The following SPECC1 variants were observed in gnomAD, a reference collection of about 807,000 sequenced individuals.
SPECC1 encodes the protein cytospin-B.
Under a neutral mutation model 104.1 loss-of-function variants are expected in SPECC1, and 62 were observed. The observed-to-expected ratio is 0.60, with a 90% confidence interval of 0.49 to 0.74. The LOEUF is 0.74. SPECC1 is among the 30% of genes least tolerant of loss of function. The probability of loss-of-function intolerance (pLI) is 0.00; values close to 1 mark genes in which losing one functional copy is unlikely to be tolerated. For missense variants in SPECC1, 1,306 were observed against 1,310.5 expected, an observed-to-expected ratio of 1.00 and a Z score of 0.05; for synonymous variants, 513 against 501.6, an observed-to-expected ratio of 1.02 and a Z score of -0.30.
At chr17:20,040,641 A>T (rs891326583) in intron 1 of SPECC1, among the ~76,000 whole-genome samples, 2 of 152,154 alleles carry the variant, frequency 1.3e-5, no homozygotes, top group African/African-American at 4.8e-5. Context: ...CTTGAAAACC[A>T]TTGTGTCATT....
chr17:20,017,064 G>T (rs1487875486), intron 1 of SPECC1: 3 of 152,200 alleles, frequency 2.0e-5, no homozygotes, highest in Non-Finnish European at 4.4e-5. Flanking sequence ...GGAGCAGTCG[G>T]CTCTCTGTAA....
At chr17:20,174,559 G>A (rs901070090) in intron 3 of SPECC1, among the ~76,000 whole-genome samples, 1 of 152,064 alleles carries the variant, frequency 6.6e-6, no homozygotes, top group African/African-American at 2.4e-5. Context: ...GAGCTGGAAT[G>A]GGCCTTCACC....
chr17:20,312,255 G>GT (rs1446279260), intron 14 of SPECC1, among the ~76,000 whole-genome samples: 2 of 152,072 alleles, frequency 1.3e-5, no homozygotes, highest in Non-Finnish European at 1.5e-5. Flanking sequence ...CTTTTGGAGG[G>GT]TCTTAACTAC....
chr17:20,105,505 C>G (rs563282235), intron 2 of SPECC1, among the ~76,000 whole-genome samples: 2 of 152,136 alleles, frequency 1.3e-5, no homozygotes, highest in Non-Finnish European at 2.9e-5. Flanking sequence ...ATCCCAGATC[C>G]CAAGTCTTCT....
intron 3 of SPECC1, among the ~76,000 whole-genome samples, chr17:20,125,301 A>T (rs2049243129): frequency 6.6e-6 from 1 of 152,206 alleles, no homozygotes; most frequent in Non-Finnish European, 1.5e-5. Context: ...CTTCTACTGA[A>T]TGCGCGTCAT....
intron 14 of SPECC1, among the ~76,000 whole-genome samples, chr17:20,313,447 G>A (rs1393732023): frequency 5.9e-5 from 9 of 152,242 alleles, no homozygotes; most frequent in African/African-American, 2.2e-4. Flanking sequence ...CACGAGGTGA[G>A]CGTACACTGG....
intron 1 of SPECC1, among the ~76,000 whole-genome samples, chr17:20,088,200 G>A (rs2047252271): frequency 6.6e-6 from 1 of 152,134 alleles, no homozygotes; most frequent in Admixed American, 6.5e-5. Flanking sequence ...TTCTGTGTAG[G>A]GAGTGATGTG....
At chr17:20,248,099 T>A (rs1180711969) in intron 9 of SPECC1, among the ~76,000 whole-genome samples, 4 of 152,174 alleles carry the variant, frequency 2.6e-5, no homozygotes, top group Admixed American at 6.5e-5. Context: ...AAAAGCACAC[T>A]CTGTGCCTGC....
chr17:20,063,558 A>G (rs143822338), intron 1 of SPECC1, among the ~76,000 whole-genome samples: 1 of 152,280 alleles, frequency 6.6e-6, no homozygotes, highest in Non-Finnish European at 1.5e-5. Flanking sequence ...TTCATTCTTC[A>G]TCCTGCTTTC....
intron 12 of SPECC1, among the ~76,000 whole-genome samples, chr17:20,262,404 A>G (rs965460797): frequency 1.3e-5 from 2 of 152,204 alleles, no homozygotes; most frequent in African/African-American, 4.8e-5. Context: ...TGTATAATTT[A>G]TGTCTCTCCA....
At chr17:20,293,267 G>A (rs1274945108) in intron 12 of SPECC1, among the ~76,000 whole-genome samples, 1 of 151,830 alleles carries the variant, frequency 6.6e-6, no homozygotes, top group Non-Finnish European at 1.5e-5. Context: ...AGGAAACATG[G>A]TACCATATTT....
At chr17:20,031,657 C>G (rs1189408710) in intron 1 of SPECC1, among the ~76,000 whole-genome samples, 2 of 152,210 alleles carry the variant, frequency 1.3e-5, no homozygotes, top group African/African-American at 2.4e-5. Context: ...AACAATAACT[C>G]CACGTTACTC....
At chr17:20,060,243 T>C (rs1460145835) in intron 1 of SPECC1, among the ~76,000 whole-genome samples, 2 of 152,184 alleles carry the variant, frequency 1.3e-5, no homozygotes, top group Non-Finnish European at 2.9e-5. Flanking sequence ...GAAATGTTAT[T>C]TTGCCCTTGA....
At chr17:20,029,419 CCT>C (rs2044722818) in intron 1 of SPECC1, among the ~76,000 whole-genome samples, 1 of 152,044 alleles carries the variant, frequency 6.6e-6, no homozygotes, top group South Asian at 2.1e-4. Context: ...TTAGTAGTTC[CCT>C]TAGGATTTTC....
chr17:20,051,025 G>A (rs1157937388), intron 1 of SPECC1, among the ~76,000 whole-genome samples: 2 of 152,152 alleles, frequency 1.3e-5, no homozygotes, highest in Non-Finnish European at 2.9e-5. Flanking sequence ...ACATAGCATA[G>A]TAGGTCCCAA....
rs557905879 is a variant in SPECC1, at chr17:20,209,410, A to G, written c.1863+3498A>G. ...GTAAATCTATGTAAGTTTCAAGTTA[A>G]GATTACTCAAGCAACCCAGATACCG... On this transcript the variant is annotated intron_variant, in intron 4 of 14. Transcript: ENST00000395527. 3.1e-4 allele frequency among the ~76,000 whole-genome samples: 47 copies of G among 152,354 alleles called. No individual in the cohort carries two copies. The South Asian group carries it at 5.2e-3, about 17-fold the overall frequency.
intron 3 of SPECC1, 136 bp from the exon 4 acceptor site, chr17:20,204,197 A>T: frequency 1.9e-6 from 2 of 1,064,074 alleles, no homozygotes; most frequent in African/African-American, 1.6e-5. Context: ...AGAACTGGGT[A>T]ATTAGCTAGA....
chr17:20,110,334 G>C, intron 2 of SPECC1, 93 bp from the exon 3 acceptor site: 1 of 1,430,176 alleles, frequency 7.0e-7, no homozygotes, highest in Non-Finnish European at 9.4e-7. Context: ...TGACTGCTGG[G>C]CACATAGCCC....
chr17:20,071,374 TTGTGTGTGTTTGTG>T (rs1391034454), intron 1 of SPECC1, among the ~76,000 whole-genome samples: 2 of 123,098 alleles, frequency 1.6e-5, no homozygotes, highest in Non-Finnish European at 3.8e-5. Context: ...TGGTTTGTGT[TTGTGTGTGTTTGTG>T]TGTGTGTGTG....
Sources: gnomAD v4.1 joint callset for allele counts (sites outside exome capture counted in the v4.1 genomes callset) on GRCh38, gnomAD v4.1.1 for gene constraint, MANE v1.5 for transcripts, NCBI Gene and HGNC (gene_info 2026-07-23, HGNC 2026-07-21) for gene names.